The following APBB2 variants were observed in gnomAD, a reference collection of about 807,000 sequenced individuals.
APBB2 encodes the protein Fe65-like 1.
A neutral mutation model predicts 82.5 loss-of-function variants in APBB2; 38 were observed. That is an observed-to-expected ratio of 0.46 (90% CI 0.36 to 0.60). APBB2 has a LOEUF of 0.60. APBB2 is among the 20% of genes least tolerant of loss of function. The pLI is 0.00. For missense variants in APBB2, 772 were observed against 972.3 expected (o/e 0.79, Z 2.74); for synonymous variants, 341 against 368.2 (o/e 0.93, Z 0.85).
intron 10 of APBB2, among the ~76,000 whole-genome samples, chr4:40,914,593 G>A (rs1343609828): frequency 6.6e-6 from 1 of 152,106 alleles, no homozygotes; most frequent in Non-Finnish European, 1.5e-5. Context: ...CAGACAGATA[G>A]ATAAACAAAT....
At chr4:41,194,438 T>A in intron 1 of APBB2, among the ~76,000 whole-genome samples, 1 of 152,334 alleles carries the variant, frequency 6.6e-6, no homozygotes, top group South Asian at 2.1e-4. Context: ...ATCCCAGCAC[T>A]TTGGGAGGCC....
At chr4:40,880,530 G>A (rs1037607296) in intron 12 of APBB2, 3 of 985,282 alleles carry the variant, frequency 3.0e-6, no homozygotes, top group Non-Finnish European at 3.6e-6. Context: ...GACTTCCTCT[G>A]TTCTCAAAGA....
intron 10 of APBB2, among the ~76,000 whole-genome samples, chr4:40,914,651 ATGT>A (rs1779408052): frequency 6.6e-6 from 1 of 152,204 alleles, no homozygotes; most frequent in African/African-American, 2.4e-5. Context: ...GGTGATGAAA[ATGT>A]TGTGACCAGA....
chr4:40,856,463 C>T (rs1469725271), intron 12 of APBB2, among the ~76,000 whole-genome samples: 3 of 152,210 alleles, frequency 2.0e-5, no homozygotes, highest in African/African-American at 4.8e-5. Context: ...GATATTTTCT[C>T]GCATGGAAGT....
chr4:40,983,584 T>C (rs1157648202), intron 6 of APBB2, among the ~76,000 whole-genome samples: 1 of 148,444 alleles, frequency 6.7e-6, no homozygotes, highest in Non-Finnish European at 1.5e-5. Context: ...ATTATGACTT[T>C]TTTTTTTTTT....
Position 40,971,585 on chromosome 4 carries a change from CA to C in APBB2, c.836-26513del, listed in dbSNP as rs1795935645. On this transcript the variant is annotated intron_variant, in intron 6 of 17. Transcript: ENST00000508593. ...ATAACATAACCGCTCATGGCTTCTG[CA>C]ATATTTTTCCCAGAAACGTTTTCCT... Among the ~76,000 whole-genome samples the C allele has an allele frequency of 2.6e-5, 4 of 152,268 alleles. No individual in the cohort carries two copies. In the South Asian group the frequency reaches 8.3e-4, roughly 32 times the overall value.
At chr4:41,128,071 C>A (rs138054193) in intron 2 of APBB2, among the ~76,000 whole-genome samples, 10,620 of 147,368 alleles carry the variant, frequency 0.072, 534 homozygotes, top group Non-Finnish European at 0.1. Context: ...CAGAGCGAGA[C>A]TCCATCTCAG....
At chr4:41,176,285 T>C (rs1450715225) in intron 1 of APBB2, among the ~76,000 whole-genome samples, 1 of 151,954 alleles carries the variant, frequency 6.6e-6, no homozygotes, top group Non-Finnish European at 1.5e-5. Flanking sequence ...ATAAAGAAAA[T>C]GAGACCATCT....
intron 1 of APBB2, among the ~76,000 whole-genome samples, chr4:41,213,595 A>G (rs985413960): frequency 3.3e-5 from 5 of 152,192 alleles, no homozygotes; most frequent in African/African-American, 1.2e-4. Context: ...CGACGTGAAG[A>G]CCACCTTTCA....
At chr4:41,164,339 C>T (rs901639305) in intron 1 of APBB2, among the ~76,000 whole-genome samples, 6 of 152,160 alleles carry the variant, frequency 3.9e-5, no homozygotes, top group African/African-American at 1.4e-4. Flanking sequence ...ACCTTGTACA[C>T]TGAGATAAAA....
chr4:41,051,386 CCA>C (rs1378973865), intron 4 of APBB2, among the ~76,000 whole-genome samples: 2 of 152,158 alleles, frequency 1.3e-5, no homozygotes, highest in African/African-American at 4.8e-5. Context: ...ACAGTTTTCC[CCA>C]GAGTCCCAGG....
intron 6 of APBB2, among the ~76,000 whole-genome samples, chr4:40,967,389 G>A (rs990074623): frequency 3.9e-5 from 6 of 152,216 alleles, no homozygotes; most frequent in African/African-American, 1.4e-4. Flanking sequence ...AAAAAGAGCT[G>A]CAGCCTTTTG....
At chr4:41,212,945 G>A (rs983657191) in intron 1 of APBB2, among the ~76,000 whole-genome samples, 5 of 152,190 alleles carry the variant, frequency 3.3e-5, no homozygotes, top group South Asian at 2.1e-4. Flanking sequence ...TTGAAAACGA[G>A]AAGGTTGCTA....
chr4:40,860,320 G>C (rs1762463579), intron 12 of APBB2, among the ~76,000 whole-genome samples: 1 of 152,140 alleles, frequency 6.6e-6, no homozygotes, highest in Admixed American at 6.6e-5. Context: ...TCCACCTCTG[G>C]AGGGACTCGA....
In APBB2 at chr4:41,151,523, G is replaced by A. The variant is rs539288389; in HGVS notation, c.-416-8381C>T. 5.6e-4 allele frequency among the ~76,000 whole-genome samples: 85 copies of A among 152,174 alleles called. No individual in the cohort carries two copies. The South Asian group carries it at 0.015, about 27-fold the overall frequency. On this transcript the variant is annotated intron_variant, in intron 1 of 17. Coordinates refer to ENST00000508593, the MANE Select transcript of APBB2 (RefSeq NM_004307.2). ...CCTTCCTCCTGGAATCTCTCCTTCC[G>A]GAAGTATATCCTTTAAGAAGTTTCT...
At chr4:40,852,669 G>A (rs1261701210) in intron 12 of APBB2, among the ~76,000 whole-genome samples, 1 of 151,242 alleles carries the variant, frequency 6.6e-6, no homozygotes, top group Non-Finnish European at 1.5e-5. Context: ...GAGACAGTGT[G>A]TTTCTCTGTC....
intron 7 of APBB2, among the ~76,000 whole-genome samples, chr4:40,936,446 G>C (rs189802843): frequency 6.6e-6 from 1 of 152,062 alleles, no homozygotes; most frequent in African/African-American, 2.4e-5. Flanking sequence ...TGTTGAGATG[G>C]GGGTTCCATT....
At chr4:40,918,131 A>G (rs1352753075) in intron 10 of APBB2, among the ~76,000 whole-genome samples, 1 of 152,256 alleles carries the variant, frequency 6.6e-6, no homozygotes, top group Non-Finnish European at 1.5e-5. Context: ...CTTATTTACA[A>G]TGTGACGTAT....
At chr4:40,999,847 C>T (rs1579125232) in intron 6 of APBB2, among the ~76,000 whole-genome samples, 2 of 151,794 alleles carry the variant, frequency 1.3e-5, no homozygotes, top group African/African-American at 2.4e-5. Flanking sequence ...GTTTAATTGT[C>T]GTGCTAATCA....
Sources: gnomAD v4.1 joint callset for allele counts (sites outside exome capture counted in the v4.1 genomes callset) on GRCh38, gnomAD v4.1.1 for gene constraint, MANE v1.5 for transcripts, NCBI Gene and HGNC (gene_info 2026-07-23, HGNC 2026-07-21) for gene names.